Variants in FKBP15 observed in about 807,000 individuals in gnomAD.
FKBP15 encodes FK506-binding protein 15.
In FKBP15, 106 loss-of-function variants were observed where a neutral mutation model predicts 158.1. The ratio of observed to expected loss-of-function variants is 0.67; its 90% CI spans 0.57 to 0.79. The LOEUF is 0.79. Among genes scored for constraint, FKBP15 ranks in the 30% least tolerant of loss-of-function variants. The pLI, the probability that FKBP15 is intolerant of heterozygous loss-of-function variation, is 0.00. For synonymous variants in FKBP15, 547 were observed against 548.6 expected (o/e 1.00, Z 0.04); for missense variants, 1,287 against 1,479.1 (o/e 0.87, Z 2.13).
chr9:113,209,709 C>A (rs1830962776), intron 2 of FKBP15, among the ~76,000 whole-genome samples: 3 of 152,222 alleles, frequency 2.0e-5, no homozygotes, highest in African/African-American at 4.8e-5. Context: ...GGAAGGAAGT[C>A]TTCTCTGCTT....
intron 22 of FKBP15, 140 bp from the exon 23 acceptor site, chr9:113,173,745 C>T: frequency 1.2e-6 from 1 of 821,740 alleles, no homozygotes; most frequent in Admixed American, 2.8e-5. Context: ...TTAAAAGACT[C>T]ATTACTTTTA....
chr9:113,166,280 G>A, intron 27 of FKBP15, 125 bp from the exon 28 acceptor site: 1 of 812,002 alleles, frequency 1.2e-6, no homozygotes, highest in Non-Finnish European at 2.0e-6. Flanking sequence ...TGTACTGACA[G>A]GGCCAACTCT....
chr9:113,210,911 G>A (rs545766062), intron 2 of FKBP15, among the ~76,000 whole-genome samples: 3 of 152,132 alleles, frequency 2.0e-5, no homozygotes, highest in Non-Finnish European at 4.4e-5. Context: ...TTACACTAGC[G>A]GTTGGCCAGA....
intron 24 of FKBP15, 83 bp from the exon 25 acceptor site, chr9:113,170,712 A>T: frequency 1.1e-6 from 1 of 950,168 alleles, no homozygotes; most frequent in Non-Finnish European, 1.7e-6. Flanking sequence ...TGGAAGGCCA[A>T]AATGAAGCCA....
At chr9:113,195,599 G>A (rs544362563) in intron 9 of FKBP15, among the ~76,000 whole-genome samples, 5 of 152,264 alleles carry the variant, frequency 3.3e-5, no homozygotes, top group African/African-American at 1.2e-4. Context: ...GAGAAGGGAA[G>A]CACATCCTTT....
chr9:113,221,223 C>T lies in FKBP15; in HGVS notation c.21G>A (p.Glu7=), dbSNP rs1356006880. The change falls in exon 1 of 28, where the codon GAG becomes GAA. Residue 7 remains glutamate, a synonymous_variant. Transcript: ENST00000238256. ...TCGGCGAGAGGAAATCGGTGTCGTC[C>T]TCGTCCCCCGCACCGAACATTGCGT... MFGAGD[E]DDTDFLSPSG... 1.9e-6 allele frequency: 3 copies of T among 1,609,798 alleles called. No individual in the cohort carries two copies. The highest frequency in any genetic ancestry group is 2.2e-5 in the South Asian group (2 of 90,036).
rs11790757 is a variant in FKBP15 at position 113,178,787 on chromosome 9, C to T, written c.1929G>A (p.Glu643=). ...HAEQEKAKVT[E]ELAAATAQVS... is the part of the protein sequence containing the mutation. ...CCTGTGCAGTGGCCGCTGCTAACTC[C>T]TCTGTCACCTTGGCCTGAATAATAA... The change falls in exon 20 of 28, where the codon GAG becomes GAA. Residue 643 remains glutamate (E), a synonymous_variant. Transcript: ENST00000238256. The T allele has an allele frequency of 4.5e-3, 7,255 of 1,607,078 alleles. 29 individuals carry two copies. The highest frequency in any genetic ancestry group is 5.7e-3 in the Non-Finnish European group (6,653 of 1,176,684).
At chr9:113,208,639 T>C (rs1227232467) in intron 2 of FKBP15, among the ~76,000 whole-genome samples, 1 of 152,200 alleles carries the variant, frequency 6.6e-6, no homozygotes, top group Non-Finnish European at 1.5e-5. Flanking sequence ...GTTATCTTCT[T>C]ATAATAAATT....
chr9:113,216,575 C>T (rs1831140140), intron 1 of FKBP15, among the ~76,000 whole-genome samples: 1 of 152,156 alleles, frequency 6.6e-6, no homozygotes, highest in African/African-American at 2.4e-5. Flanking sequence ...AAAATTCGGG[C>T]AAATTGCCTA....
intron 6 of FKBP15, 70 bp downstream of exon 6, chr9:113,202,461 G>T: frequency 8.4e-7 from 1 of 1,186,496 alleles, no homozygotes; most frequent in Non-Finnish European, 1.2e-6. Flanking sequence ...TTTTCTATAT[G>T]TTTCCCTAAA....
At chr9:113,207,048 T>A in intron 3 of FKBP15, 164 bp downstream of exon 3, 1 of 607,762 alleles carries the variant, frequency 1.6e-6, no homozygotes, top group Non-Finnish European at 2.9e-6. Context: ...TTTCAAGTTT[T>A]ACCACAGAAA....
rs1245074780 is a variant in FKBP15, at chr9:113,187,884, A to T, written c.1292T>A (p.Val431Asp). ...AGCAGAAGGTGCCTGGAGCCCAGTA[A>T]CAGATGGCTGAGGTGCTAAGATAAA... ...QMTSQAPQPS[V>D]TGLQAPSAAL... Residue 431 changes from valine to aspartate, a missense_variant, in exon 14 of 28, where the codon GTT (valine) becomes GAT (aspartate). Transcript: ENST00000238256. 1 of 1,613,806 alleles carries T rather than the reference A, an allele frequency of 6.2e-7. No homozygotes were observed. Among genetic ancestry groups the T allele is most frequent in the Non-Finnish European group, 8.5e-7 (1 of 1,179,730 alleles).
chr9:113,168,596 G>C (rs1190361919), intron 26 of FKBP15, 40 bp from the exon 27 acceptor site: 1 of 1,581,378 alleles, frequency 6.3e-7, no homozygotes, highest in Admixed American at 1.7e-5. Context: ...TATTGTTCCT[G>C]CTCCAGGTCA....
chr9:113,201,335 A>G (rs949599176), intron 6 of FKBP15, among the ~76,000 whole-genome samples: 2 of 152,222 alleles, frequency 1.3e-5, no homozygotes. Context: ...ACAGACTTCT[A>G]TAAAAAATGC....
chr9:113,187,720 A>G lies in FKBP15; in HGVS notation c.1383+73T>C, dbSNP rs768516213. The G allele has an allele frequency of 2.5e-6, 3 of 1,219,376 alleles. No individual in the cohort carries two copies. In the African/African-American group the frequency reaches 4.5e-5, roughly 18 times the overall value. 75.5% of individuals were successfully genotyped at this position (1,219,376 alleles called of 1,614,324 possible). A position where few individuals can be genotyped will look rare whatever the true frequency, so the allele number is the denominator to read the frequency against. On this transcript the variant is annotated intron_variant, in intron 14 of 27. Coordinates refer to ENST00000238256, the MANE Select transcript of FKBP15 (RefSeq NM_015258.2). ...GGAACTGCTACTGTATGAAATGTAC[A>G]GGAAGAAGAAAAGAGACTGACTAGA...
intron 27 of FKBP15, 66 bp from the exon 28 acceptor site, chr9:113,166,221 A>C: frequency 7.2e-7 from 1 of 1,389,284 alleles, no homozygotes; most frequent in Non-Finnish European, 1.0e-6. Flanking sequence ...TCCACCTGTG[A>C]GTGGAAGCAA....
intron 14 of FKBP15, chr9:113,187,569 C>T: frequency 1.9e-6 from 1 of 537,538 alleles, no homozygotes; most frequent in South Asian, 2.2e-5. Context: ...CTACGTTGTA[C>T]TAGGGGCTCT....
At chr9:113,172,083 G>C (rs1228621593) in intron 23 of FKBP15, among the ~76,000 whole-genome samples, 2 of 150,156 alleles carry the variant, frequency 1.3e-5, no homozygotes, top group Non-Finnish European at 3.0e-5. Flanking sequence ...CCACCTATGA[G>C]TGAGAACATG....
chr9:113,197,186 G>C, intron 8 of FKBP15, 108 bp from the exon 9 acceptor site: 2 of 1,394,154 alleles, frequency 1.4e-6, no homozygotes, highest in Non-Finnish European at 2.0e-6. Context: ...CGTTTACTCA[G>C]TGCCTCCAGA....
Sources: gnomAD v4.1 joint callset for allele counts (sites outside exome capture counted in the v4.1 genomes callset) on GRCh38, gnomAD v4.1.1 for gene constraint, MANE v1.5 for transcripts, NCBI Gene and HGNC (gene_info 2026-07-23, HGNC 2026-07-21) for gene names.